PLCD3: variants seen among roughly 807,000 people sequenced by gnomAD.
PLCD3 encodes phospholipase C delta 3.
A neutral mutation model predicts 82.8 loss-of-function variants in PLCD3; 62 were observed. That is an observed-to-expected ratio of 0.75 (90% CI 0.61 to 0.93). PLCD3 has a LOEUF of 0.93. Among genes scored for constraint, PLCD3 ranks in the 40% least tolerant of loss-of-function variants. PLCD3 has a pLI of 0.00. For synonymous variants in PLCD3, 478 were observed against 471.8 expected (o/e 1.01, Z -0.17); for missense variants, 1,023 against 1,103.4 (o/e 0.93, Z 1.03).
rs2054311540 is a variant in PLCD3, at chr17:45,118,679, C to T, written c.913+136G>A. On this transcript the variant is annotated intron_variant, in intron 5 of 14. Transcript: ENST00000619929. This position sits in a 1 kb window ranked among gnomAD's most constrained non-coding sequence, Gnocchi z 4.1. The stretch of plus-strand genomic sequence containing the variant: ...GAAGACAAACTGTTGTGCCATTTTA[C>T]ACATGTGGAAGCTGAGTCTGGAGGA... The T allele has an allele frequency of 8.8e-7, 1 of 1,130,628 alleles. No individual in the cohort carries two copies. The highest frequency in any genetic ancestry group is 1.2e-6 in the Non-Finnish European group (1 of 806,780). 70.0% of individuals were successfully genotyped at this position (1,130,628 alleles called of 1,614,324 possible).
chr17:45,127,811 C>CGT (rs2054392455), intron 1 of PLCD3, among the ~76,000 whole-genome samples: 1 of 37,726 alleles, frequency 2.7e-5, no homozygotes, highest in Non-Finnish European at 4.5e-5. Context: ...TGAGTGTGTG[C>CGT]GTGTGAGTGT....
Position 45,114,236 on chromosome 17 carries a change from T to C in PLCD3, c.1828+14A>G, listed in dbSNP as rs1478012447. On this transcript the variant is annotated intron_variant, in intron 11 of 14. Coordinates refer to ENST00000619929, the MANE Select transcript of PLCD3 (RefSeq NM_133373.5). ...GGCACCCCGCCTGCTCTCATTCCTG[T>C]GGCCCCCACTTACCCAGCTGACAGC... is the stretch of plus-strand genomic sequence containing the variant. 2.0e-6 allele frequency: 3 copies of C among 1,518,150 alleles called. No individual in the cohort carries two copies. The highest frequency in any genetic ancestry group is 2.6e-5 in the East Asian group (1 of 38,442). 94.0% of individuals were successfully genotyped at this position (1,518,150 alleles called of 1,614,324 possible).
At position 45,112,377 on chromosome 17, in the gene PLCD3, A is replaced by G; in HGVS notation, c.*239T>C. On this transcript the variant is annotated 3_prime_UTR_variant, in exon 15 of 15. Transcript: ENST00000619929. ...GCTGAGGACAAGAGGAGCTGGGGCC[A>G]TCTCAGGGCCCCAGGGTTGGAGCTC... 5 of 555,600 alleles carry G rather than the reference A, an allele frequency of 9.0e-6. No homozygotes were observed. Among genetic ancestry groups the G allele is most frequent in the South Asian group, 2.0e-5 (1 of 48,990 alleles). The allele number at this position is 555,600 out of a possible 1,614,324, so 34.4% of individuals were successfully genotyped here.
chr17:45,119,475 A>G (rs1039264655), intron 4 of PLCD3, among the ~76,000 whole-genome samples: 3 of 152,124 alleles, frequency 2.0e-5, no homozygotes, highest in African/African-American at 4.8e-5. Flanking sequence ...GCTTCAAGCA[A>G]TCCTCCCGCC....
At chr17:45,129,788 C>T (rs1201486233) in intron 1 of PLCD3, among the ~76,000 whole-genome samples, 1 of 152,222 alleles carries the variant, frequency 6.6e-6, no homozygotes, top group Non-Finnish European at 1.5e-5. Context: ...GGAGGGGGGA[C>T]AAAGGACTCC....
chr17:45,130,691 C>G (rs756289729), intron 1 of PLCD3, among the ~76,000 whole-genome samples: 2 of 152,144 alleles, frequency 1.3e-5, no homozygotes, highest in Non-Finnish European at 2.9e-5. Context: ...CTCCTTGGGT[C>G]TCCCTGTTTC....
At chr17:45,124,173 TG>T (rs2054363842) in intron 1 of PLCD3, among the ~76,000 whole-genome samples, 1 of 152,124 alleles carries the variant, frequency 6.6e-6, no homozygotes, top group Non-Finnish European at 1.5e-5. Context: ...GCCAAGCCCA[TG>T]GGTGTGGGGG....
rs1491588166 is a variant in PLCD3 at position 45,110,448 on chromosome 17, A to AG, written c.*2167_*2168insC. The AG allele has an allele frequency of 1.2e-4, 1 of 8,316 alleles. No individual in the cohort carries two copies. Among genetic ancestry groups the AG allele is most frequent in the African/African-American group, 3.1e-3 (1 of 318 alleles). 0.5% of individuals were successfully genotyped at this position (8,316 alleles called of 1,614,324 possible). A position where few individuals can be genotyped will look rare whatever the true frequency, so the allele number is the denominator to read the frequency against. On this transcript the variant is annotated 3_prime_UTR_variant, in exon 15 of 15. Coordinates refer to ENST00000619929, the MANE Select transcript of PLCD3 (RefSeq NM_133373.5). ...GACGAGCAAGACTTTGTCTCAAAAG[A>AG]AAAAAAAAAAAGACTCTTGCCCTTT...
At chr17:45,122,414 C>T (rs1274068690) in intron 1 of PLCD3, among the ~76,000 whole-genome samples, 1 of 152,198 alleles carries the variant, frequency 6.6e-6, no homozygotes, top group Non-Finnish European at 1.5e-5. Flanking sequence ...GAAACTGAGG[C>T]TCAGGGAAGC....
Position 45,120,906 on chromosome 17 carries a change from C to G in PLCD3, c.550G>C (p.Asp184His). 7.0e-7 allele frequency: 1 copy of G among 1,435,788 alleles called. No individual in the cohort carries two copies. The highest frequency in any genetic ancestry group is 9.1e-7 in the Non-Finnish European group (1 of 1,100,692). The allele number at this position is 1,435,788 out of a possible 1,614,324, so 88.9% of individuals were successfully genotyped here. ...LDAMSQRERL[D>H]HWIHSYLHRA... is the part of the protein sequence containing the mutation. ...CTCCCAGCCCCGGCAGGATATTGGT[C>G]TAGCCGCTCGCGCTGGCTCATGGCG... Residue 184 changes from aspartate to histidine, a missense_variant, in exon 3 of 15, where the codon GAC (aspartate) becomes CAC (histidine). Coordinates refer to ENST00000619929, the MANE Select transcript of PLCD3 (RefSeq NM_133373.5).
chr17:45,112,632 C>A lies in PLCD3; in HGVS notation c.2354G>T (p.Arg785Leu). 1 of 1,603,466 alleles carries A rather than the reference C, an allele frequency of 6.2e-7. No homozygotes were observed. The highest frequency in any genetic ancestry group is 8.5e-7 in the Non-Finnish European group (1 of 1,175,412). ...GGTGGGCCCTCAGGAGCGCTGGATG[C>A]GGATTTGGATGAAGAGCGTGGCTGG... ...LSPATLFIQI[R>L]IQRS The change falls in exon 15 of 15, where the codon CGC (arginine) becomes CTC (leucine). Residue 785 changes from arginine (R) to leucine (L), a missense_variant. Physicochemically the swap from Arg to Leu is moderately radical, Grantham distance 102 (BLOSUM62 -2). This residue lies in a region of PLCD3 where 553 missense variants were observed against 655.7 expected (regional missense o/e 0.84). Coordinates refer to ENST00000619929, the MANE Select transcript of PLCD3 (RefSeq NM_133373.5).
chr17:45,119,724 G>A (rs975304477), intron 4 of PLCD3, among the ~76,000 whole-genome samples: 1 of 152,148 alleles, frequency 6.6e-6, no homozygotes, highest in Non-Finnish European at 1.5e-5. Flanking sequence ...CAGCATCATT[G>A]AACAAGTCAA....
rs2054238393 is a variant in PLCD3 at position 45,111,090 on chromosome 17, C to T, written c.*1526G>A. The T allele has an allele frequency of 6.6e-6, 1 of 152,254 alleles. No homozygotes were observed. Among genetic ancestry groups the T allele is most frequent in the African/African-American group, 2.4e-5 (1 of 41,450 alleles). The allele number at this position is 152,254 out of a possible 1,614,324, so 9.4% of individuals were successfully genotyped here. ...TGGCAGAACCTAAAACACCAGGCCT[C>T]CACATTTCACCCTGCTGGCAGGGGC... On this transcript the variant is annotated 3_prime_UTR_variant, in exon 15 of 15. Transcript: ENST00000619929.
intron 1 of PLCD3, among the ~76,000 whole-genome samples, chr17:45,122,770 C>T (rs1005290810): frequency 2.6e-5 from 4 of 152,170 alleles, no homozygotes; most frequent in African/African-American, 9.7e-5. Context: ...CACGTGATGC[C>T]CAGCCCAAAC....
chr17:45,121,745 C>T (rs1028691279), intron 1 of PLCD3, among the ~76,000 whole-genome samples: 1 of 152,174 alleles, frequency 6.6e-6, no homozygotes, highest in Admixed American at 6.5e-5. Context: ...AATCTCAGCA[C>T]TTGGGAGGCC....
At chr17:45,130,816 GAGGA>G (rs1433389761) in intron 1 of PLCD3, among the ~76,000 whole-genome samples, 112 of 152,128 alleles carry the variant, frequency 7.4e-4, no homozygotes, top group South Asian at 1.7e-3. Flanking sequence ...GGAGGGCCTG[GAGGA>G]GCTCCTCCCA....
chr17:45,117,967 C>A (rs1393270708), intron 7 of PLCD3, 27 bp downstream of exon 7: 1 of 1,611,178 alleles, frequency 6.2e-7, no homozygotes. Flanking sequence ...GGCTGTGGGG[C>A]TGGGGCTGGG....
At chr17:45,114,539 G>C in intron 10 of PLCD3, 173 bp from the exon 11 acceptor site, 1 of 538,452 alleles carries the variant, frequency 1.9e-6, no homozygotes, top group Non-Finnish European at 3.2e-6. Context: ...AGGCTGCAGG[G>C]ACCCCCTCCA....
Position 45,132,144 on chromosome 17 carries a change from C to A in PLCD3, c.163+104G>T, listed in dbSNP as rs1264302312. On this transcript the variant is annotated intron_variant, in intron 1 of 14. Transcript: ENST00000619929. This position sits in a 1 kb window ranked among gnomAD's most constrained non-coding sequence, Gnocchi z 4.6. ...TCCGCCCCTAGCCATAGCCTCCCAG[C>A]CCCGTGCAGCCTGGGGAATCCACGA... 1.7e-6 allele frequency: 2 copies of A among 1,148,154 alleles called. No individual in the cohort carries two copies. The highest frequency in any genetic ancestry group is 2.2e-6 in the Non-Finnish European group (2 of 913,076). 71.1% of individuals were successfully genotyped at this position (1,148,154 alleles called of 1,614,324 possible). A position where few individuals can be genotyped will look rare whatever the true frequency, so the allele number is the denominator to read the frequency against.
Sources: gnomAD v4.1 joint callset for allele counts (sites outside exome capture counted in the v4.1 genomes callset) on GRCh38, gnomAD v4.1.1 for gene constraint, gnomAD v4.1.1 regional missense constraint, Gnocchi (gnomAD v3.1) non-coding constraint, MANE v1.5 for transcripts, NCBI Gene and HGNC (gene_info 2026-07-23, HGNC 2026-07-21) for gene names.